The following BCAS3 variants were observed in gnomAD, a reference collection of about 807,000 sequenced individuals.
BCAS3 encodes BCAS4/BCAS3 fusion.
Under a neutral mutation model 116.1 loss-of-function variants are expected in BCAS3, and 53 were observed. The ratio of observed to expected loss-of-function variants is 0.46; its 90% CI spans 0.37 to 0.57. The LOEUF is 0.57. Ranked by LOEUF, BCAS3 falls within the 20% of genes least tolerant of loss-of-function variation. The probability of loss-of-function intolerance (pLI) is 0.00; values close to 1 mark genes in which losing one functional copy is unlikely to be tolerated. For synonymous variants in BCAS3, 391 were observed against 408.2 expected (o/e 0.96, Z 0.51); for missense variants, 917 against 1,165.4 (o/e 0.79, Z 3.10).
At chr17:60,776,588 G>A (rs1408250461) in intron 6 of BCAS3, among the ~76,000 whole-genome samples, 3 of 151,790 alleles carry the variant, frequency 2.0e-5, no homozygotes, top group Admixed American at 6.6e-5. Context: ...GCATGGTGGC[G>A]TGCACCTGTA....
At chr17:60,804,466 C>T (rs1318967750) in intron 6 of BCAS3, among the ~76,000 whole-genome samples, 1 of 151,876 alleles carries the variant, frequency 6.6e-6, no homozygotes, top group South Asian at 2.1e-4. Flanking sequence ...TGGGGAGACT[C>T]CATCTCAAAA....
intron 22 of BCAS3, among the ~76,000 whole-genome samples, chr17:61,158,061 GA>G (rs2077965564): frequency 6.6e-6 from 1 of 151,638 alleles, no homozygotes; most frequent in African/African-American, 2.4e-5. Flanking sequence ...TTTTTTATGA[GA>G]CCTGTTAAAC....
chr17:61,182,900 C>T (rs1601774415), intron 22 of BCAS3, among the ~76,000 whole-genome samples: 3 of 152,204 alleles, frequency 2.0e-5, no homozygotes, highest in East Asian at 1.9e-4. Context: ...TTGCCTTTAT[C>T]TTCACTTGAA....
At chr17:60,847,364 G>A (rs2052634433) in intron 7 of BCAS3, among the ~76,000 whole-genome samples, 1 of 152,134 alleles carries the variant, frequency 6.6e-6, no homozygotes, top group Non-Finnish European at 1.5e-5. Context: ...AGAATTGCTG[G>A]GTCGTATGAT....
chr17:60,792,753 T>C (rs1000796332), intron 6 of BCAS3, among the ~76,000 whole-genome samples: 3 of 152,182 alleles, frequency 2.0e-5, no homozygotes, highest in African/African-American at 7.2e-5. Flanking sequence ...CTTTGTGTTA[T>C]GAGTTGAAGC....
At chr17:61,143,788 G>A (rs570396715) in intron 22 of BCAS3, among the ~76,000 whole-genome samples, 53 of 152,214 alleles carry the variant, frequency 3.5e-4, no homozygotes, top group Admixed American at 2.6e-4. Context: ...TAGCCTGGGC[G>A]ACAGAGCAAG....
rs375795239 is a variant in BCAS3, at chr17:61,220,052, T to C, written c.2425+135488T>C. ...GGCTCACGCCTGTAATCCCAGCACT[T>C]TGGGAGGTTGAGGTGGGCAGATCAC... On this transcript the variant is annotated intron_variant, in intron 22 of 23. Transcript: ENST00000407086. This position sits in a 1 kb window ranked among gnomAD's most constrained non-coding sequence, Gnocchi z 4.5. 4.9e-4 allele frequency among the ~76,000 whole-genome samples: 74 copies of C among 152,146 alleles called. 1 individual carries two copies. In the East Asian group the frequency reaches 6.6e-3, roughly 14 times the overall value.
chr17:60,837,801 G>A (rs1029109574), intron 7 of BCAS3, among the ~76,000 whole-genome samples: 1 of 151,900 alleles, frequency 6.6e-6, no homozygotes, highest in Non-Finnish European at 1.5e-5. Context: ...ACAGGTGCGT[G>A]CCACCATGCT....
chr17:61,308,124 G>A (rs1474155560), intron 22 of BCAS3, among the ~76,000 whole-genome samples: 1 of 152,174 alleles, frequency 6.6e-6, no homozygotes, highest in Non-Finnish European at 1.5e-5. Flanking sequence ...ACGCATCCCA[G>A]CACTGTAAAC....
rs999181479 is a variant in BCAS3, at chr17:61,122,050, A to T, written c.2425+37486A>T. On this transcript the variant is annotated intron_variant, in intron 22 of 23. Transcript: ENST00000407086. This position sits in a 1 kb window ranked among gnomAD's most constrained non-coding sequence, Gnocchi z 4.6. The stretch of plus-strand genomic sequence containing the variant: ...GCCAAAAACATATGATTTTTACAAA[A>T]GAAAATTTAAGAGAAAGTATGCAAA... Among the ~76,000 whole-genome samples, 1 of 152,234 alleles carries T rather than the reference A, an allele frequency of 6.6e-6. No individual in the cohort carries two copies. The highest frequency in any genetic ancestry group is 6.5e-5 in the Admixed American group (1 of 15,284).
At chr17:61,070,090 T>C in intron 19 of BCAS3, 8 of 1,576,442 alleles carry the variant, frequency 5.1e-6, no homozygotes, top group Non-Finnish European at 6.9e-6. Context: ...GCTTGACCAC[T>C]ATGCTATCAT....
At chr17:60,870,202 A>G (rs1490192621) in intron 8 of BCAS3, among the ~76,000 whole-genome samples, 1 of 152,252 alleles carries the variant, frequency 6.6e-6, no homozygotes, top group East Asian at 1.9e-4. Context: ...TGCTTAATTC[A>G]TAACTGCACA....
At chr17:60,888,950 A>T (rs2056940586) in intron 9 of BCAS3, among the ~76,000 whole-genome samples, 1 of 152,182 alleles carries the variant, frequency 6.6e-6, no homozygotes, top group Non-Finnish European at 1.5e-5. Context: ...TTTTGAGCAT[A>T]GCAATAGGAA....
At chr17:61,201,759 CT>C (rs34301859) in intron 22 of BCAS3, among the ~76,000 whole-genome samples, 26,416 of 142,042 alleles carry the variant, frequency 0.19, 2,863 homozygotes, top group Middle Eastern at 0.3. Context: ...AGGAAACTAA[CT>C]TTTTTTTTTT....
At chr17:60,785,314 A>G (rs1202597569) in intron 6 of BCAS3, among the ~76,000 whole-genome samples, 1 of 151,950 alleles carries the variant, frequency 6.6e-6, no homozygotes, top group Non-Finnish European at 1.5e-5. Context: ...GTGTGCCACC[A>G]TGCCCAGCTA....
chr17:60,775,576 G>C (rs1211512482), intron 6 of BCAS3, among the ~76,000 whole-genome samples: 1 of 72,990 alleles, frequency 1.4e-5, no homozygotes, highest in East Asian at 6.7e-4. Flanking sequence ...GAATATTTCA[G>C]AATTTCTTTT....
intron 12 of BCAS3, 74 bp downstream of exon 12, chr17:60,910,776 G>A: frequency 1.5e-6 from 2 of 1,335,748 alleles, no homozygotes; most frequent in Non-Finnish European, 2.0e-6. Flanking sequence ...TAGTCAAAAT[G>A]TATTTGGCCT....
In BCAS3 at chr17:61,203,671, T is replaced by C. The variant is rs1439910375; in HGVS notation, c.2425+119107T>C. On this transcript the variant is annotated intron_variant, in intron 22 of 23. Coordinates refer to ENST00000407086, the MANE Select transcript of BCAS3 (RefSeq NM_017679.5). The surrounding 1 kb of genome is among the most constrained non-coding windows in gnomAD (Gnocchi z 5.7). ...AAACTTTGAGCTACATATTTTGCCT[T>C]CCGTTCATCTTTGTAACCATTTTTT... Among the ~76,000 whole-genome samples, 2 of 152,230 alleles carry C rather than the reference T, an allele frequency of 1.3e-5. No individual in the cohort carries two copies. Among genetic ancestry groups the C allele is most frequent in the Non-Finnish European group, 2.9e-5 (2 of 68,032 alleles).
At chr17:60,715,282 C>T (rs1002168185) in intron 5 of BCAS3, among the ~76,000 whole-genome samples, 10 of 151,236 alleles carry the variant, frequency 6.6e-5, no homozygotes, top group Middle Eastern at 3.4e-3. Context: ...TACAGGTGTG[C>T]GCCACCACAC....
Sources: gnomAD v4.1 joint callset for allele counts (sites outside exome capture counted in the v4.1 genomes callset) on GRCh38, gnomAD v4.1.1 for gene constraint, Gnocchi (gnomAD v3.1) non-coding constraint, MANE v1.5 for transcripts, NCBI Gene and HGNC (gene_info 2026-07-23, HGNC 2026-07-21) for gene names.